RAP1GDS1: variants seen among roughly 807,000 people sequenced by gnomAD.
RAP1GDS1 encodes the protein RAP1, GTP-GDP dissociation stimulator 1.
A neutral mutation model predicts 71.1 loss-of-function variants in RAP1GDS1; 35 were observed. The ratio of observed to expected loss-of-function variants is 0.49; its 90% CI spans 0.38 to 0.65. RAP1GDS1 has a LOEUF of 0.65. Among genes scored for constraint, RAP1GDS1 ranks in the 30% least tolerant of loss-of-function variants. The pLI is 0.00. For missense variants in RAP1GDS1, 663 were observed against 706.1 expected, an observed-to-expected ratio of 0.94 and a Z score of 0.69; for synonymous variants, 229 against 243.1, an observed-to-expected ratio of 0.94 and a Z score of 0.54.
At chr4:98,403,286 T>C (rs940486476) in intron 6 of RAP1GDS1, among the ~76,000 whole-genome samples, 37 of 152,166 alleles carry the variant, frequency 2.4e-4, no homozygotes, top group Non-Finnish European at 8.8e-5. Flanking sequence ...GAAAAATTAA[T>C]AGGATACTTA....
chr4:98,308,153 T>C (rs1729614768), intron 2 of RAP1GDS1, among the ~76,000 whole-genome samples: 1 of 151,108 alleles, frequency 6.6e-6, no homozygotes, highest in Non-Finnish European at 1.5e-5. Context: ...TATGTGTGTA[T>C]ATATGTGTGT....
chr4:98,328,302 C>T (rs1733439786), intron 2 of RAP1GDS1, among the ~76,000 whole-genome samples: 1 of 152,204 alleles, frequency 6.6e-6, no homozygotes, highest in Admixed American at 6.5e-5. Context: ...TTATGGCATT[C>T]TCCTATCAAG....
chr4:98,301,833 T>TTA (rs950925547), intron 2 of RAP1GDS1, among the ~76,000 whole-genome samples: 41 of 152,228 alleles, frequency 2.7e-4, no homozygotes, highest in African/African-American at 9.9e-4. Flanking sequence ...TTGTTCACCT[T>TTA]TATATACTTG....
At chr4:98,310,738 AC>A (rs1278626976) in intron 2 of RAP1GDS1, among the ~76,000 whole-genome samples, 1 of 152,180 alleles carries the variant, frequency 6.6e-6, no homozygotes, top group African/African-American at 2.4e-5. Flanking sequence ...CCACCAAGCC[AC>A]ATATGGTTAT....
chr4:98,280,107 C>A (rs1277902869), intron 1 of RAP1GDS1, among the ~76,000 whole-genome samples: 3 of 152,122 alleles, frequency 2.0e-5, no homozygotes, highest in African/African-American at 7.2e-5. Context: ...AATTTATAGT[C>A]CTTTGGGTAT....
intron 3 of RAP1GDS1, 48 bp downstream of exon 3, chr4:98,343,309 A>G (rs751812635): frequency 1.5e-5 from 23 of 1,531,748 alleles, no homozygotes; most frequent in Non-Finnish European, 1.9e-5. Flanking sequence ...CTTCAGTTTT[A>G]CATCTTACTT....
At position 98,419,057 on chromosome 4, in the gene RAP1GDS1, T is replaced by C. The variant is rs1748428846; in HGVS notation, c.1174+266T>C. ...TTAGATTTTCATCATGTTTTATAGTTAAGCTTTTTTAAGTTTGAGATGGGG... is the reference window on the plus strand; with the variant it reads ...TTAGATTTTCATCATGTTTTATAGTCAAGCTTTTTTAAGTTTGAGATGGGG... On this transcript the variant is annotated intron_variant, in intron 10 of 14. Coordinates refer to ENST00000408927, the MANE Select transcript of RAP1GDS1 (RefSeq NM_001100427.2). Among the ~76,000 whole-genome samples, 3 of 152,190 alleles carry C rather than the reference T, an allele frequency of 2.0e-5. 1 individual carries two copies. The South Asian group carries it at 6.2e-4, about 31-fold the overall frequency.
intron 4 of RAP1GDS1, among the ~76,000 whole-genome samples, chr4:98,378,190 G>A (rs973847978): frequency 4.6e-5 from 7 of 151,772 alleles, no homozygotes; most frequent in South Asian, 2.1e-4. Context: ...AGAATGACAC[G>A]TATTCTTCTT....
At chr4:98,350,388 T>C (rs1228709457) in intron 3 of RAP1GDS1, among the ~76,000 whole-genome samples, 1 of 152,190 alleles carries the variant, frequency 6.6e-6, no homozygotes, top group Admixed American at 6.5e-5. Context: ...GTGTTTAATA[T>C]GAGTTAGTAG....
At chr4:98,327,389 C>T (rs1733294689) in intron 2 of RAP1GDS1, among the ~76,000 whole-genome samples, 1 of 152,182 alleles carries the variant, frequency 6.6e-6, no homozygotes, top group Non-Finnish European at 1.5e-5. Context: ...TCACACTGGT[C>T]TGAGGTTGGA....
intron 2 of RAP1GDS1, among the ~76,000 whole-genome samples, chr4:98,329,142 G>C (rs1733569255): frequency 1.3e-5 from 2 of 152,078 alleles, no homozygotes; most frequent in South Asian, 4.2e-4. Flanking sequence ...GATTTTTATT[G>C]AACCTTTCAG....
chr4:98,267,343 G>T (rs1187807318), intron 1 of RAP1GDS1, among the ~76,000 whole-genome samples: 1 of 152,022 alleles, frequency 6.6e-6, no homozygotes, highest in Non-Finnish European at 1.5e-5. Context: ...GGTTCAGAGG[G>T]TACATGTGCA....
intron 12 of RAP1GDS1, among the ~76,000 whole-genome samples, chr4:98,425,335 T>G (rs989387933): frequency 2.0e-5 from 3 of 149,260 alleles, no homozygotes; most frequent in Non-Finnish European, 4.5e-5. Flanking sequence ...AAAAAAAAAG[T>G]GGGGGGTATA....
At position 98,293,445 on chromosome 4, in the gene RAP1GDS1, A is replaced by C; in HGVS notation, c.42A>C (p.Thr14=). 6.2e-7 allele frequency: 1 copy of C among 1,608,350 alleles called. No homozygotes were observed. The highest frequency in any genetic ancestry group is 8.5e-7 in the Non-Finnish European group (1 of 1,178,248). The change falls in exon 2 of 15, where the codon ACA becomes ACC. Residue 14 remains threonine (T), a synonymous_variant. Coordinates refer to ENST00000408927, the MANE Select transcript of RAP1GDS1 (RefSeq NM_001100427.2). ...LSDTLKKLKI[T]AVDKTEDSLE... Reference sequence around the variant, plus strand: ...ATACCTTGAAGAAGCTGAAGATAACAGCTGTTGACAAGACTGAGGATAGTT... The same window carrying C: ...ATACCTTGAAGAAGCTGAAGATAACCGCTGTTGACAAGACTGAGGATAGTT...
chr4:98,271,294 T>C (rs1723423307), intron 1 of RAP1GDS1, among the ~76,000 whole-genome samples: 1 of 152,206 alleles, frequency 6.6e-6, no homozygotes, highest in South Asian at 2.1e-4. Flanking sequence ...ATTAAACTCA[T>C]TGAGTTCAAA....
At chr4:98,407,833 A>T (rs1049473821) in intron 7 of RAP1GDS1, among the ~76,000 whole-genome samples, 5 of 113,768 alleles carry the variant, frequency 4.4e-5, no homozygotes, top group African/African-American at 2.3e-4. Context: ...TGAAATTTTA[A>T]AAAAAATAAT....
intron 2 of RAP1GDS1, among the ~76,000 whole-genome samples, chr4:98,304,239 A>G (rs1728994187): frequency 6.6e-6 from 1 of 152,134 alleles, no homozygotes. Flanking sequence ...GTCAAATGGT[A>G]TTTCTGGTTC....
chr4:98,414,432 A>G (rs1747596713), intron 7 of RAP1GDS1, among the ~76,000 whole-genome samples: 2 of 140,866 alleles, frequency 1.4e-5, no homozygotes, highest in Admixed American at 1.4e-4. Flanking sequence ...CTTTCTACAT[A>G]TGGCTAGCCA....
At chr4:98,296,830 A>C in intron 2 of RAP1GDS1, 1 of 322,708 alleles carries the variant, frequency 3.1e-6, no homozygotes, top group Admixed American at 4.5e-5. Flanking sequence ...TGCAAGAGAA[A>C]CTATTAGTTT....
Sources: allele counts gnomAD v4.1 joint callset (sites outside exome capture counted in the v4.1 genomes callset), GRCh38; gene constraint gnomAD v4.1.1; transcripts MANE v1.5; gene names NCBI Gene and HGNC (gene_info 2026-07-23, HGNC 2026-07-21).